DAGLB: variants seen among roughly 807,000 people sequenced by gnomAD.
The protein encoded by DAGLB is diacylglycerol lipase-beta.
In DAGLB, 66 loss-of-function variants were observed where a neutral mutation model predicts 72.1. The ratio of observed to expected loss-of-function variants is 0.92; its 90% CI spans 0.75 to 1.12. The LOEUF is 1.12. Among genes scored for constraint, DAGLB ranks in the 50% most tolerant of loss-of-function variants. The pLI is 0.00. For synonymous variants in DAGLB, 414 were observed against 359.5 expected (o/e 1.15, Z -1.71); for missense variants, 1,065 against 884.9 (o/e 1.20, Z -2.58).
chr7:6,426,106 C>A lies in DAGLB; in HGVS notation c.938G>T (p.Ser313Ile), dbSNP rs1256029413. 1 of 1,613,558 alleles carries A rather than the reference C, an allele frequency of 6.2e-7. No homozygotes were observed. Among genetic ancestry groups the A allele is most frequent in the African/African-American group, 1.3e-5 (1 of 74,918 alleles). The change falls in exon 7 of 15, where the codon AGC becomes ATC. Residue 313 changes from serine to isoleucine, a missense_variant. Ser to Ile is a moderately radical substitution (Grantham distance 142). Coordinates refer to ENST00000297056, the MANE Select transcript of DAGLB (RefSeq NM_139179.4). ...GACCAAGTCATAGTCTGTGGTTCTG[C>A]TTCTGCAGCTAAAAAGAGGACAAAG... ...LCRIGGDCCR[S>I]RTTDYDLVGG...
intron 13 of DAGLB, among the ~76,000 whole-genome samples, chr7:6,411,833 ACT>A (rs949741139): frequency 2.0e-5 from 3 of 151,786 alleles, no homozygotes; most frequent in East Asian, 1.9e-4. Context: ...CCTTGTCCCC[ACT>A]CTCTGCCATG....
chr7:6,431,851 C>T (rs975709699), intron 5 of DAGLB, among the ~76,000 whole-genome samples: 4 of 152,116 alleles, frequency 2.6e-5, no homozygotes, highest in Admixed American at 6.6e-5. Flanking sequence ...CAGTTGATAA[C>T]GAAGATGCCT....
At chr7:6,434,719 C>T (rs779178948) in intron 4 of DAGLB, 43 bp downstream of exon 4, 1 of 1,607,768 alleles carries the variant, frequency 6.2e-7, no homozygotes, top group East Asian at 2.2e-5. Flanking sequence ...GAAGCATTTA[C>T]TGAAACAGAA....
At chr7:6,411,590 C>T (rs1783730835) in intron 13 of DAGLB, among the ~76,000 whole-genome samples, 1 of 152,136 alleles carries the variant, frequency 6.6e-6, no homozygotes, top group Admixed American at 6.5e-5. Flanking sequence ...CACTGCACTC[C>T]AGCCTGGGTG....
At chr7:6,435,528 C>A (rs1784627155) in intron 3 of DAGLB, 1 of 158,660 alleles carries the variant, frequency 6.3e-6, no homozygotes, top group African/African-American at 2.4e-5. Context: ...GTGGTTAACC[C>A]AGGCCCTGCC....
intron 7 of DAGLB, among the ~76,000 whole-genome samples, 170 bp from the exon 8 acceptor site, chr7:6,425,005 G>A (rs549718449): frequency 6.6e-6 from 1 of 152,318 alleles, no homozygotes; most frequent in East Asian, 1.9e-4. Context: ...ACTCTGGCAG[G>A]GACTGGCCTT....
chr7:6,415,982 G>A (rs1002968235), intron 11 of DAGLB, among the ~76,000 whole-genome samples: 4 of 151,956 alleles, frequency 2.6e-5, no homozygotes, highest in African/African-American at 4.8e-5. Context: ...TCTGGGCGAT[G>A]TGCCTACCAG....
At chr7:6,430,250 C>CATATATATATATATATGTATAT (rs1784439631) in intron 6 of DAGLB, among the ~76,000 whole-genome samples, 1 of 45,738 alleles carries the variant, frequency 2.2e-5, no homozygotes, top group Admixed American at 2.6e-4. Context: ...AATACATGTG[C>CATATATATATATATATGTATAT]ATATATATAT....
chr7:6,415,333 A>G (rs1013853600), intron 11 of DAGLB, among the ~76,000 whole-genome samples: 2 of 152,046 alleles, frequency 1.3e-5, no homozygotes, highest in African/African-American at 2.4e-5. Context: ...TGTGTGAACT[A>G]TATGTCAAAG....
intron 2 of DAGLB, among the ~76,000 whole-genome samples, chr7:6,444,991 AAT>A (rs1784950665): frequency 1.5e-5 from 2 of 130,158 alleles, no homozygotes; most frequent in Admixed American, 1.7e-4. Context: ...CAAGTCATAT[AAT>A]AAGAGCGTTG....
At position 6,446,020 on chromosome 7, in the gene DAGLB, G is replaced by C; in HGVS notation, c.180C>G (p.Ile60Met). Residue 60 changes from isoleucine (I) to methionine (M), a missense_variant, in exon 2 of 15, where the codon ATC becomes ATG. Physicochemically the swap from Ile to Met is conservative, Grantham distance 10. Coordinates refer to ENST00000297056, the MANE Select transcript of DAGLB (RefSeq NM_139179.4). ...AGGALLSSYL[I>M]VLMILLAVVI... ...CAACTGCCAGGAGAATCATGAGGAC[G>C]ATCAAGTAACTGCTGAGCAAGGCTC... is the stretch of plus-strand genomic sequence containing the variant. 1 of 1,613,602 alleles carries C rather than the reference G, an allele frequency of 6.2e-7. No homozygotes were observed. Among genetic ancestry groups the C allele is most frequent in the Non-Finnish European group, 8.5e-7 (1 of 1,179,908 alleles).
At chr7:6,442,365 C>A (rs899124962) in intron 2 of DAGLB, among the ~76,000 whole-genome samples, 1 of 151,868 alleles carries the variant, frequency 6.6e-6, no homozygotes, top group Non-Finnish European at 1.5e-5. Flanking sequence ...GAAGAGGGAA[C>A]GGAGTGAATA....
At chr7:6,426,253 G>T in intron 6 of DAGLB, 139 bp from the exon 7 acceptor site, 2 of 1,278,980 alleles carry the variant, frequency 1.6e-6, no homozygotes, top group Non-Finnish European at 2.1e-6. Context: ...ACATGGAATG[G>T]CTTTTTAAAA....
At chr7:6,433,141 T>C (rs539336211) in intron 4 of DAGLB, among the ~76,000 whole-genome samples, 182 bp from the exon 5 acceptor site, 2 of 152,364 alleles carry the variant, frequency 1.3e-5, no homozygotes, top group African/African-American at 2.4e-5. Flanking sequence ...GAATATGTTT[T>C]CACATCCTGC....
At chr7:6,425,933 C>CT in intron 7 of DAGLB, 55 bp downstream of exon 7, 6 of 1,600,728 alleles carry the variant, frequency 3.7e-6, no homozygotes, top group Non-Finnish European at 5.1e-6. Flanking sequence ...ATCAGAATCT[C>CT]TAACAGCTCC....
Position 6,416,676 on chromosome 7 carries a change from AGGC to A in DAGLB, c.1375_1377del (p.Ala459del). On this transcript the variant is annotated inframe_deletion, in exon 11 of 15. Transcript: ENST00000297056. ...AAGGCGTAGCACCTGACCTGCGGGT[AGGC>A]GGCTCTGAGCATGGTGGCCAGCAGG... 2 of 1,613,718 alleles carry A rather than the reference AGGC, an allele frequency of 1.2e-6. No individual in the cohort carries two copies. The highest frequency in any genetic ancestry group is 1.7e-6 in the Non-Finnish European group (2 of 1,179,838).
intron 11 of DAGLB, among the ~76,000 whole-genome samples, chr7:6,413,699 G>A (rs899053368): frequency 3.3e-5 from 5 of 151,500 alleles, no homozygotes; most frequent in South Asian, 2.1e-4. Context: ...GATTCACTGC[G>A]GCAGAACCTG....
Position 6,446,106 on chromosome 7 carries a change from T to C in DAGLB, c.96-2A>G, listed in dbSNP as rs866750573. ...TACAACGTCAGAATGCCAATCCACC[T>C]GGCAAAAAAAAAAAAGGGAAGGGTC... is the stretch of plus-strand genomic sequence containing the variant. On this transcript the variant is annotated splice_acceptor_variant, in intron 1 of 14. Coordinates refer to ENST00000297056, the MANE Select transcript of DAGLB (RefSeq NM_139179.4). LOFTEE classifies it high-confidence loss of function. 2 of 1,557,724 alleles carry C rather than the reference T, an allele frequency of 1.3e-6. No individual in the cohort carries two copies. The highest frequency in any genetic ancestry group is 1.7e-6 in the Non-Finnish European group (2 of 1,157,784).
chr7:6,415,469 G>T (rs1783876915), intron 11 of DAGLB, among the ~76,000 whole-genome samples: 1 of 149,966 alleles, frequency 6.7e-6, no homozygotes, highest in Non-Finnish European at 1.5e-5. Flanking sequence ...ATGAAATAAA[G>T]TGGTATAATT....
Sources: allele counts gnomAD v4.1 joint callset (sites outside exome capture counted in the v4.1 genomes callset), GRCh38; gene constraint gnomAD v4.1.1; transcripts MANE v1.5; gene names NCBI Gene and HGNC (gene_info 2026-07-23, HGNC 2026-07-21).